MARCHF3: variants seen among roughly 807,000 people sequenced by gnomAD.
MARCHF3 encodes membrane associated ring-CH-type finger 3.
Under a neutral mutation model 24.2 loss-of-function variants are expected in MARCHF3, and 13 were observed. That is an observed-to-expected ratio of 0.54 (90% confidence interval 0.35 to 0.85). The LOEUF is 0.85. Among genes scored for constraint, MARCHF3 ranks in the 40% least tolerant of loss-of-function variants. MARCHF3 has a pLI of 0.01. For missense variants in MARCHF3, 276 were observed against 325.0 expected, an observed-to-expected ratio of 0.85 and a Z score of 1.16; for synonymous variants, 144 against 137.3, an observed-to-expected ratio of 1.05 and a Z score of -0.34.
chr5:126,919,571 C>A (rs1422520891), intron 1 of MARCHF3, among the ~76,000 whole-genome samples: 1 of 152,212 alleles, frequency 6.6e-6, no homozygotes, highest in Non-Finnish European at 1.5e-5. Context: ...TTTCCTTGAT[C>A]CCCATGGTTC....
intron 4 of MARCHF3, among the ~76,000 whole-genome samples, chr5:126,877,017 T>A (rs1228083222): frequency 6.6e-6 from 1 of 152,228 alleles, no homozygotes; most frequent in Non-Finnish European, 1.5e-5. Flanking sequence ...GGGAACAGAA[T>A]GTCTAAATTA....
chr5:127,006,188 G>C (rs925095577), intron 1 of MARCHF3, among the ~76,000 whole-genome samples: 1 of 144,808 alleles, frequency 6.9e-6, no homozygotes, highest in Non-Finnish European at 1.5e-5. Context: ...GGGAGACACA[G>C]TGAGGCTCTG....
At chr5:126,934,186 TA>T (rs1449379865) in intron 1 of MARCHF3, among the ~76,000 whole-genome samples, 21 of 152,282 alleles carry the variant, frequency 1.4e-4, no homozygotes, top group Admixed American at 2.6e-4. Flanking sequence ...TTTATTTATT[TA>T]TTTTTTTTAC....
At chr5:126,874,734 C>T (rs1343199581) in intron 4 of MARCHF3, among the ~76,000 whole-genome samples, 1 of 152,162 alleles carries the variant, frequency 6.6e-6, no homozygotes, top group Non-Finnish European at 1.5e-5. Context: ...GTGCCCAGCT[C>T]ACCTATCTAT....
intron 1 of MARCHF3, among the ~76,000 whole-genome samples, chr5:126,974,803 G>T (rs572969108): frequency 6.6e-6 from 1 of 152,288 alleles, no homozygotes; most frequent in African/African-American, 2.4e-5. Flanking sequence ...GTTCAGTCAT[G>T]CTTTGAGCAT....
chr5:126,920,523 C>G (rs1483519087), intron 1 of MARCHF3, among the ~76,000 whole-genome samples: 1 of 152,178 alleles, frequency 6.6e-6, no homozygotes, highest in Admixed American at 6.5e-5. Flanking sequence ...ATCATTATGT[C>G]TAGATGCACT....
At chr5:126,887,518 T>A (rs1486262689) in intron 3 of MARCHF3, among the ~76,000 whole-genome samples, 4 of 152,276 alleles carry the variant, frequency 2.6e-5, no homozygotes, top group African/African-American at 9.6e-5. Context: ...AATATTTTGA[T>A]ACCTGTATTT....
intron 1 of MARCHF3, among the ~76,000 whole-genome samples, chr5:126,935,601 C>CTTTTTTT (rs202058243): frequency 1.4e-5 from 1 of 70,592 alleles, no homozygotes; most frequent in Non-Finnish European, 2.7e-5. Context: ...GTATATATGG[C>CTTTTTTT]TTTTTTTTTT....
intron 1 of MARCHF3, among the ~76,000 whole-genome samples, chr5:127,019,088 A>T (rs1439388671): frequency 2.6e-5 from 4 of 152,244 alleles, no homozygotes; most frequent in African/African-American, 4.8e-5. Flanking sequence ...AAAAGATCAT[A>T]CACTTATTTA....
At chr5:126,926,530 C>T (rs1486199446) in intron 1 of MARCHF3, among the ~76,000 whole-genome samples, 2 of 152,204 alleles carry the variant, frequency 1.3e-5, no homozygotes, top group Admixed American at 6.5e-5. Flanking sequence ...CTATCATATG[C>T]TACATAATAC....
chr5:126,870,553 G>C lies in MARCHF3; in HGVS notation c.*80C>G. On this transcript the variant is annotated 3_prime_UTR_variant, in exon 5 of 5. Transcript: ENST00000308660. ...CCACAGGCTTAAGGAAGGGCTTGGG[G>C]GTCGCTCAGTGCATGACCCCAGTGC... The C allele has an allele frequency of 7.4e-7, 1 of 1,348,572 alleles. No individual in the cohort carries two copies. 83.5% of individuals were successfully genotyped at this position (1,348,572 alleles called of 1,614,324 possible).
Position 126,975,657 on chromosome 5 carries a change from G to A in MARCHF3, c.-57+54693C>T, listed in dbSNP as rs1055236976. Among the ~76,000 whole-genome samples, 8 of 152,308 alleles carry A rather than the reference G, an allele frequency of 5.3e-5. 1 individual carries two copies. In the South Asian group the frequency reaches 1.5e-3, roughly 28 times the overall value. The stretch of plus-strand genomic sequence containing the variant: ...GAAGGATGCAGAATGTGGTGATGAG[G>A]AAGCCATTCTCCCAGGTACAGCAAA... On this transcript the variant is annotated intron_variant, in intron 1 of 4. Transcript: ENST00000308660.
chr5:127,025,685 C>T (rs963447994), intron 1 of MARCHF3, among the ~76,000 whole-genome samples: 3 of 152,178 alleles, frequency 2.0e-5, no homozygotes, highest in Non-Finnish European at 2.9e-5. Context: ...TCATCTGAAT[C>T]TTAAATTTCC....
At chr5:127,002,819 C>T (rs924170238) in intron 1 of MARCHF3, among the ~76,000 whole-genome samples, 15 of 152,154 alleles carry the variant, frequency 9.9e-5, no homozygotes, top group African/African-American at 2.4e-4. Flanking sequence ...TTTTTCAGGG[C>T]GGGTGAGCCC....
At chr5:126,919,064 A>C (rs1749010080) in intron 1 of MARCHF3, among the ~76,000 whole-genome samples, 2 of 152,202 alleles carry the variant, frequency 1.3e-5, no homozygotes, top group South Asian at 4.1e-4. Flanking sequence ...CTCTATCACC[A>C]ATTAAACATA....
chr5:126,968,134 G>T (rs1180547718), intron 1 of MARCHF3, among the ~76,000 whole-genome samples: 1 of 152,218 alleles, frequency 6.6e-6, no homozygotes, highest in East Asian at 1.9e-4. Flanking sequence ...CTATGTTGTA[G>T]AATGCACCAG....
At chr5:126,935,062 A>T (rs78401592) in intron 1 of MARCHF3, among the ~76,000 whole-genome samples, 154 of 152,304 alleles carry the variant, frequency 1.0e-3, no homozygotes, top group African/African-American at 3.7e-3. Context: ...AAATAGTCAC[A>T]TGTAGCTGTT....
intron 1 of MARCHF3, among the ~76,000 whole-genome samples, chr5:126,984,210 A>G (rs1057282166): frequency 6.6e-6 from 1 of 152,190 alleles, no homozygotes; most frequent in African/African-American, 2.4e-5. Context: ...GTTCTAGGAC[A>G]GGCCACGTGG....
At chr5:127,017,084 G>A (rs148100380) in intron 1 of MARCHF3, among the ~76,000 whole-genome samples, 1 of 152,234 alleles carries the variant, frequency 6.6e-6, no homozygotes, top group East Asian at 1.9e-4. Flanking sequence ...TGGACGCAGG[G>A]AGGGGAACAT....
Sources: allele counts gnomAD v4.1 joint callset (sites outside exome capture counted in the v4.1 genomes callset), GRCh38; gene constraint gnomAD v4.1.1; transcripts MANE v1.5; gene names NCBI Gene and HGNC (gene_info 2026-07-23, HGNC 2026-07-21).